EYS: variants seen among roughly 807,000 people sequenced by gnomAD.
EYS encodes EGF-like photoreceptor maintenance factor.
In EYS, 250 loss-of-function variants were observed where a neutral mutation model predicts 282.1. The ratio of observed to expected loss-of-function variants is 0.89; its 90% confidence interval spans 0.80 to 0.98. The LOEUF is 0.98. EYS is among the 50% of genes least tolerant of loss of function. The pLI, the probability that EYS is intolerant of heterozygous loss-of-function variation, is 0.00. For missense variants in EYS, 4,016 were observed against 3,709.0 expected (o/e 1.08, Z -2.15); for synonymous variants, 1,355 against 1,282.9 (o/e 1.06, Z -1.20).
chr6:65,117,713 A>G (rs530587763), intron 12 of EYS, among the ~76,000 whole-genome samples: 10 of 152,324 alleles, frequency 6.6e-5, no homozygotes, highest in African/African-American at 2.4e-4. Flanking sequence ...AGGTTATTCA[A>G]GAAATAGGAA....
At chr6:65,317,117 G>T (rs1289704585) in intron 11 of EYS, among the ~76,000 whole-genome samples, 2 of 152,084 alleles carry the variant, frequency 1.3e-5, no homozygotes, top group Admixed American at 6.5e-5. Flanking sequence ...TCATTTTAAG[G>T]CTGATTTTGT....
intron 12 of EYS, among the ~76,000 whole-genome samples, chr6:65,210,761 C>T (rs10485313): frequency 0.25 from 37,214 of 151,674 alleles, 4,725 homozygotes; most frequent in Middle Eastern, 0.28. Flanking sequence ...GCATGAAGAA[C>T]GTAGATAATT....
chr6:63,722,861 C>T (rs1768458900), intron 42 of EYS, among the ~76,000 whole-genome samples: 1 of 152,188 alleles, frequency 6.6e-6, no homozygotes, highest in Non-Finnish European at 1.5e-5. Context: ...AGTTCTTCAC[C>T]TATCAAACTA....
chr6:63,857,593 C>T, intron 36 of EYS: 8 of 358,376 alleles, frequency 2.2e-5, no homozygotes, highest in South Asian at 1.9e-4. Flanking sequence ...TGCTCCATGA[C>T]CACCGTGTGA....
intron 30 of EYS, among the ~76,000 whole-genome samples, chr6:64,305,379 T>A (rs1187397987): frequency 7.0e-6 from 1 of 142,604 alleles, no homozygotes; most frequent in African/African-American, 3.1e-5. Flanking sequence ...AATAAAAAAA[T>A]AATCCACTTA....
Position 65,656,376 on chromosome 6 carries a change from C to T in EYS, c.-447-16484G>A, listed in dbSNP as rs539212189. On this transcript the variant is annotated intron_variant, in intron 1 of 42. Transcript: ENST00000503581. Reference sequence around the variant, plus strand: ...TGAAAGCCAGGCCTCTTGCACCAAACAGTTAACCAAGTTATGAATGCAAAG... The same window carrying T: ...TGAAAGCCAGGCCTCTTGCACCAAATAGTTAACCAAGTTATGAATGCAAAG... Among the ~76,000 whole-genome samples the T allele has an allele frequency of 2.6e-5, 4 of 151,960 alleles. No individual in the cohort carries two copies. In the East Asian group the frequency reaches 5.8e-4, roughly 22 times the overall value.
At chr6:64,154,365 A>G (rs1323754077) in intron 31 of EYS, among the ~76,000 whole-genome samples, 1 of 143,884 alleles carries the variant, frequency 7.0e-6, no homozygotes, top group African/African-American at 2.6e-5. Flanking sequence ...GCCTGAACCC[A>G]GGAGGCAGAG....
At chr6:64,288,900 C>T (rs1354068617) in intron 30 of EYS, among the ~76,000 whole-genome samples, 7 of 152,088 alleles carry the variant, frequency 4.6e-5, no homozygotes, top group Non-Finnish European at 1.0e-4. Flanking sequence ...CATCATTCCT[C>T]TCTATTTTTG....
intron 22 of EYS, among the ~76,000 whole-genome samples, chr6:64,656,768 C>G (rs576012146): frequency 2.0e-5 from 3 of 152,132 alleles, no homozygotes; most frequent in African/African-American, 7.2e-5. Flanking sequence ...GGGGTTAATT[C>G]ACCAGAATTT....
intron 12 of EYS, among the ~76,000 whole-genome samples, chr6:65,105,697 C>T (rs1423828713): frequency 6.6e-6 from 1 of 151,760 alleles, no homozygotes; most frequent in Non-Finnish European, 1.5e-5. Flanking sequence ...GATTTGAATC[C>T]CTATTCCGTG....
At chr6:64,999,705 T>C (rs1229880417) in intron 13 of EYS, among the ~76,000 whole-genome samples, 1 of 152,066 alleles carries the variant, frequency 6.6e-6, no homozygotes, top group Non-Finnish European at 1.5e-5. Flanking sequence ...CACCTGGACA[T>C]TGAGAGGCAC....
Position 64,665,093 on chromosome 6 carries a change from C to A in EYS, c.3444-38848G>T, listed in dbSNP as rs181220428. 2.2e-4 allele frequency among the ~76,000 whole-genome samples: 33 copies of A among 152,182 alleles called. No individual in the cohort carries two copies. In the East Asian group the frequency reaches 4.8e-3, roughly 22 times the overall value. On this transcript the variant is annotated intron_variant, in intron 22 of 42. Transcript: ENST00000503581. ...GTGTAAACATGATACAACTGTGATA[C>A]AAATAATATAGACTTTGAAAGTTTT...
At chr6:64,284,627 G>A (rs1488781676) in intron 30 of EYS, among the ~76,000 whole-genome samples, 2 of 152,172 alleles carry the variant, frequency 1.3e-5, no homozygotes, top group African/African-American at 4.8e-5. Flanking sequence ...CCTAGCAGAG[G>A]TTCTCGATGA....
At chr6:63,940,139 A>G (rs992283181) in intron 35 of EYS, among the ~76,000 whole-genome samples, 1 of 152,226 alleles carries the variant, frequency 6.6e-6, no homozygotes, top group African/African-American at 2.4e-5. Context: ...CATCTTGAAT[A>G]ATGTTATGGG....
At chr6:64,391,281 A>G (rs1439275214) in intron 28 of EYS, among the ~76,000 whole-genome samples, 1 of 149,300 alleles carries the variant, frequency 6.7e-6, no homozygotes, top group Non-Finnish European at 1.5e-5. Flanking sequence ...AGAACGCCAC[A>G]AAGATACTCC....
intron 27 of EYS, among the ~76,000 whole-genome samples, chr6:64,438,363 A>G (rs1420494672): frequency 1.3e-5 from 2 of 151,780 alleles, no homozygotes; most frequent in Non-Finnish European, 3.0e-5. Context: ...AAAATGATAC[A>G]TTAGCGATTA....
At chr6:64,786,897 A>G (rs950590147) in intron 22 of EYS, among the ~76,000 whole-genome samples, 2 of 152,106 alleles carry the variant, frequency 1.3e-5, no homozygotes, top group African/African-American at 4.8e-5. Flanking sequence ...CTCTGAGGAG[A>G]TGAGGCCCTT....
At chr6:65,395,007 A>G (rs1766224364) in intron 7 of EYS, among the ~76,000 whole-genome samples, 1 of 152,148 alleles carries the variant, frequency 6.6e-6, no homozygotes, top group South Asian at 2.1e-4. Flanking sequence ...ATTCTTTAAC[A>G]TTTAACCTCT....
At chr6:65,254,509 T>C (rs184908058) in intron 12 of EYS, among the ~76,000 whole-genome samples, 40 of 152,030 alleles carry the variant, frequency 2.6e-4, no homozygotes, top group Middle Eastern at 3.4e-3. Context: ...TAAATAACTT[T>C]CTAAATTTCA....
Sources: allele counts gnomAD v4.1 joint callset (sites outside exome capture counted in the v4.1 genomes callset), GRCh38; gene constraint gnomAD v4.1.1; transcripts MANE v1.5; gene names NCBI Gene and HGNC (gene_info 2026-07-23, HGNC 2026-07-21).